Variants in KHDRBS2 observed in about 807,000 individuals in gnomAD.
KHDRBS2 encodes KH domain-containing, RNA-binding, signal transduction-associated protein 2.
In KHDRBS2, 26 loss-of-function variants were observed where a neutral mutation model predicts 44.3. The observed-to-expected ratio is 0.59, with a 90% CI of 0.43 to 0.81. KHDRBS2 has a LOEUF of 0.81. Ranked by LOEUF, KHDRBS2 falls within the 40% of genes least tolerant of loss-of-function variation. KHDRBS2 has a pLI of 0.00. For synonymous variants in KHDRBS2, 194 were observed against 151.1 expected (o/e 1.28, Z -2.08); for missense variants, 476 against 433.1 (o/e 1.10, Z -0.88).
At chr6:61,955,340 G>A (rs1281458878) in intron 4 of KHDRBS2, among the ~76,000 whole-genome samples, 3 of 140,902 alleles carry the variant, frequency 2.1e-5, no homozygotes, top group African/African-American at 8.0e-5. Context: ...ATACACATAT[G>A]TATGTATACA....
the KHDRBS2 span, among the ~76,000 whole-genome samples, chr6:61,626,490 C>T: frequency 6.6e-6 from 1 of 152,170 alleles, no homozygotes; most frequent in Non-Finnish European, 1.5e-5. Context: ...GACCTCATTA[C>T]TTTTGCATTT....
At chr6:61,781,808 A>G (rs1227110158) in intron 6 of KHDRBS2, among the ~76,000 whole-genome samples, 1 of 152,090 alleles carries the variant, frequency 6.6e-6, no homozygotes, top group Non-Finnish European at 1.5e-5. Context: ...CTCCAGGGAG[A>G]TAGAGAAGAA....
chr6:61,596,915 G>C, the KHDRBS2 span, among the ~76,000 whole-genome samples: 2 of 152,090 alleles, frequency 1.3e-5, no homozygotes, highest in Non-Finnish European at 2.9e-5. Context: ...CTCCCAAAGT[G>C]CTGGAATTAC....
chr6:61,955,429 T>C (rs1395806886), intron 4 of KHDRBS2, among the ~76,000 whole-genome samples: 1 of 141,496 alleles, frequency 7.1e-6, no homozygotes, highest in Non-Finnish European at 1.6e-5. Context: ...TACACATACG[T>C]ATGTGTATGT....
chr6:61,945,112 A>AAAATATAT (rs1491476068), intron 4 of KHDRBS2, among the ~76,000 whole-genome samples: 1 of 48,416 alleles, frequency 2.1e-5, no homozygotes, highest in African/African-American at 8.2e-5. Flanking sequence ...AAAAAAAAAA[A>AAAATATAT]GTATATATAT....
intron 6 of KHDRBS2, among the ~76,000 whole-genome samples, chr6:61,877,859 T>A (rs897069629): frequency 5.3e-5 from 8 of 151,986 alleles, no homozygotes; most frequent in African/African-American, 1.7e-4. Flanking sequence ...AAATCTTTTT[T>A]AAAAATCTTG....
chr6:62,072,002 A>C (rs545345288), intron 2 of KHDRBS2, among the ~76,000 whole-genome samples: 29 of 151,696 alleles, frequency 1.9e-4, no homozygotes, highest in Middle Eastern at 3.4e-3. Context: ...TTGTTTGTAT[A>C]CTCTTTTATT....
At chr6:61,988,342 A>G (rs1484971732) in intron 3 of KHDRBS2, among the ~76,000 whole-genome samples, 1 of 152,228 alleles carries the variant, frequency 6.6e-6, no homozygotes, top group Non-Finnish European at 1.5e-5. Flanking sequence ...TTGTTTTCCT[A>G]CATTTCAGTT....
intron 1 of KHDRBS2, among the ~76,000 whole-genome samples, chr6:62,219,186 T>A (rs1830483449): frequency 6.8e-6 from 1 of 147,658 alleles, no homozygotes; most frequent in Admixed American, 6.7e-5. Flanking sequence ...CAGATTTAAC[T>A]GCAGATGAAA....
At chr6:61,890,409 C>T (rs1801642882) in intron 6 of KHDRBS2, among the ~76,000 whole-genome samples, 1 of 152,254 alleles carries the variant, frequency 6.6e-6, no homozygotes, top group East Asian at 1.9e-4. Flanking sequence ...GTTGATTACT[C>T]TTGACTCATA....
At chr6:62,111,589 T>C (rs561641842) in intron 2 of KHDRBS2, among the ~76,000 whole-genome samples, 28 of 152,222 alleles carry the variant, frequency 1.8e-4, no homozygotes, top group Non-Finnish European at 1.3e-4. Context: ...CAAAGTTAAC[T>C]AGACAGTTTA....
At chr6:61,862,311 T>G (rs1008582320) in intron 6 of KHDRBS2, among the ~76,000 whole-genome samples, 22 of 152,150 alleles carry the variant, frequency 1.4e-4, no homozygotes, top group African/African-American at 4.3e-4. Context: ...ACCCTTTATT[T>G]CTTTCTCTTG....
intron 6 of KHDRBS2, among the ~76,000 whole-genome samples, chr6:61,771,242 G>A (rs200956158): frequency 9.9e-5 from 15 of 152,152 alleles, no homozygotes; most frequent in East Asian, 7.7e-4. Context: ...ATGCCAAATC[G>A]TAAAGACCAT....
intron 6 of KHDRBS2, among the ~76,000 whole-genome samples, chr6:61,772,188 A>G (rs1395571556): frequency 6.6e-6 from 1 of 152,246 alleles, no homozygotes; most frequent in Admixed American, 6.5e-5. Context: ...AGGGAAATTT[A>G]TAGCACGAAA....
chr6:62,079,769 G>A (rs902302455), intron 2 of KHDRBS2, among the ~76,000 whole-genome samples: 1 of 151,974 alleles, frequency 6.6e-6, no homozygotes, highest in Non-Finnish European at 1.5e-5. Context: ...GAGGATGAAA[G>A]GACAGACATA....
chr6:62,218,800 A>C (rs1830427914), intron 1 of KHDRBS2, among the ~76,000 whole-genome samples: 1 of 151,944 alleles, frequency 6.6e-6, no homozygotes, highest in Admixed American at 6.6e-5. Flanking sequence ...TGGATAAAGA[A>C]AATGAAGTAT....
intron 6 of KHDRBS2, among the ~76,000 whole-genome samples, chr6:61,790,527 T>A (rs1428023489): frequency 6.6e-6 from 1 of 151,480 alleles, no homozygotes; most frequent in Non-Finnish European, 1.5e-5. Flanking sequence ...GTCCTCAAAA[T>A]AACTAAGTTA....
intron 1 of KHDRBS2, among the ~76,000 whole-genome samples, chr6:62,242,917 C>T (rs1834928466): frequency 6.6e-6 from 1 of 152,092 alleles, no homozygotes; most frequent in South Asian, 2.1e-4. Flanking sequence ...TGTCAGGTGC[C>T]ACAACCATAA....
chr6:61,936,255 T>C (rs929801872), intron 4 of KHDRBS2, among the ~76,000 whole-genome samples: 16 of 152,178 alleles, frequency 1.1e-4, no homozygotes, highest in African/African-American at 3.4e-4. Flanking sequence ...CTTTTTTTAT[T>C]CCGTGTAATA....
Sources: gnomAD v4.1 joint callset for allele counts (sites outside exome capture counted in the v4.1 genomes callset) on GRCh38, gnomAD v4.1.1 for gene constraint, MANE v1.5 for transcripts, NCBI Gene and HGNC (gene_info 2026-07-23, HGNC 2026-07-21) for gene names.